The following RASAL2 variants were observed in gnomAD, a reference collection of about 807,000 sequenced individuals.
RASAL2 encodes the protein ras GTPase-activating protein nGAP.
In RASAL2, 58 loss-of-function variants were observed where a neutral mutation model predicts 128.9. That is an observed-to-expected ratio of 0.45 (90% confidence interval 0.36 to 0.56). The LOEUF (loss-of-function observed/expected upper bound fraction) is 0.56. RASAL2 is among the 20% of genes least tolerant of loss of function. The pLI is 0.00. For synonymous variants in RASAL2, 561 were observed against 580.8 expected, an observed-to-expected ratio of 0.97 and a Z score of 0.49; for missense variants, 1,360 against 1,601.6, an observed-to-expected ratio of 0.85 and a Z score of 2.57.
In RASAL2 at chr1:178,264,004, C is replaced by T. The variant is rs1665824083; in HGVS notation, c.203-19560C>T. Among the ~76,000 whole-genome samples, 3 of 152,164 alleles carry T rather than the reference C, an allele frequency of 2.0e-5. No homozygotes were observed. The South Asian group carries it at 6.2e-4, about 31-fold the overall frequency. ...CTTCTGGTATATTTAGGTACTCTTA[C>T]TTTTCTTATGGGAGAAATAAAAATT... is the stretch of plus-strand genomic sequence containing the variant. On this transcript the variant is annotated intron_variant, in intron 1 of 17. Transcript: ENST00000367649.
At chr1:178,364,510 G>A (rs1671299945) in intron 3 of RASAL2, among the ~76,000 whole-genome samples, 2 of 152,234 alleles carry the variant, frequency 1.3e-5, no homozygotes, top group South Asian at 2.1e-4. Context: ...AGCACCTCAC[G>A]TACTACCTAG....
At chr1:178,262,817 CTG>C (rs1665762312) in intron 1 of RASAL2, among the ~76,000 whole-genome samples, 1 of 122,130 alleles carries the variant, frequency 8.2e-6, no homozygotes, top group Non-Finnish European at 1.7e-5. Context: ...TTTTTTAAAT[CTG>C]AGAGGGAATT....
At chr1:178,224,083 G>T (rs1663707507) in intron 1 of RASAL2, among the ~76,000 whole-genome samples, 3 of 152,144 alleles carry the variant, frequency 2.0e-5, no homozygotes. Flanking sequence ...TGTGAATGAT[G>T]ATATGCATGG....
chr1:178,470,626 C>A, intron 17 of RASAL2: 1 of 1,259,798 alleles, frequency 7.9e-7, no homozygotes, highest in Non-Finnish European at 1.1e-6. Context: ...GGGCTTCCTC[C>A]TATGAGAAGC....
At position 178,396,030 on chromosome 1, in the gene RASAL2, GA is replaced by G. The variant is rs968006184; in HGVS notation, c.564+5833del. Among the ~76,000 whole-genome samples, 121 of 149,974 alleles carry G rather than the reference GA, an allele frequency of 8.1e-4. No homozygotes were observed. In the East Asian group the frequency reaches 0.013, roughly 16 times the overall value. ...TTAGAACCAAAGGTCTCAGAGCAGA[GA>G]AAAAAAAAGAATAAGGTTAGATACA... On this transcript the variant is annotated intron_variant, in intron 4 of 17. Transcript: ENST00000367649.
chr1:178,455,104 A>T (rs1041397056), intron 12 of RASAL2, among the ~76,000 whole-genome samples: 2 of 152,148 alleles, frequency 1.3e-5, no homozygotes, highest in South Asian at 4.1e-4. Context: ...ATAGAGTTTC[A>T]TATAATTATT....
At chr1:178,452,850 A>G (rs151089975) in intron 11 of RASAL2, among the ~76,000 whole-genome samples, 198 bp downstream of exon 11, 3 of 152,212 alleles carry the variant, frequency 2.0e-5, no homozygotes, top group African/African-American at 4.8e-5. Context: ...CATGCATTCA[A>G]TGGAATATTT....
intron 1 of RASAL2, among the ~76,000 whole-genome samples, chr1:178,152,668 A>C (rs1660954266): frequency 6.6e-6 from 1 of 151,398 alleles, no homozygotes; most frequent in Non-Finnish European, 1.5e-5. Context: ...TGTCTCAAAA[A>C]AACAAAACAA....
intron 5 of RASAL2, among the ~76,000 whole-genome samples, chr1:178,423,127 C>T (rs923404770): frequency 2.0e-5 from 3 of 152,110 alleles, no homozygotes; most frequent in Admixed American, 6.6e-5. Flanking sequence ...CAGTAAATGT[C>T]AGTCCACATC....
intron 1 of RASAL2, among the ~76,000 whole-genome samples, chr1:178,107,762 A>G (rs1055793294): frequency 2.0e-5 from 3 of 152,206 alleles, no homozygotes; most frequent in Non-Finnish European, 4.4e-5. Context: ...AATGGCTTCA[A>G]GGTCCATTCT....
intron 3 of RASAL2, among the ~76,000 whole-genome samples, chr1:178,383,222 G>A (rs1191765919): frequency 1.3e-5 from 2 of 152,152 alleles, no homozygotes; most frequent in Admixed American, 6.5e-5. Context: ...TGTGGGGCAT[G>A]CAAACTTGAA....
chr1:178,251,181 T>C, intron 1 of RASAL2, among the ~76,000 whole-genome samples: 1 of 152,210 alleles, frequency 6.6e-6, no homozygotes, highest in South Asian at 2.1e-4. Context: ...CATCTAAAGC[T>C]AGGAGAATCT....
intron 3 of RASAL2, among the ~76,000 whole-genome samples, chr1:178,322,253 C>G (rs1039204954): frequency 6.6e-6 from 1 of 152,106 alleles, no homozygotes; most frequent in African/African-American, 2.4e-5. Context: ...TTGCTTATGT[C>G]CTGCCTCACC....
At chr1:178,444,007 A>G (rs1676835861) in intron 8 of RASAL2, among the ~76,000 whole-genome samples, 1 of 152,178 alleles carries the variant, frequency 6.6e-6, no homozygotes, top group South Asian at 2.1e-4. Context: ...ATGTCGGAAT[A>G]TATCAATATA....
At position 178,099,789 on chromosome 1, in the gene RASAL2, C is replaced by G. The variant is rs576678964; in HGVS notation, c.202+5095C>G. ...CAGCCTGGCCAACATGGTGAAACCC[C>G]GTTTCTACTAAAGTACAAAGAAATT... On this transcript the variant is annotated intron_variant, in intron 1 of 17. Transcript: ENST00000367649. Among the ~76,000 whole-genome samples the G allele has an allele frequency of 3.3e-5, 5 of 151,544 alleles. No individual in the cohort carries two copies. In the South Asian group the frequency reaches 1.0e-3, roughly 32 times the overall value.
In RASAL2 at chr1:178,296,151, GTGTATATATA is replaced by G. The variant is rs1667498152; in HGVS notation, c.331-3837_331-3828del. 6.3e-5 allele frequency among the ~76,000 whole-genome samples: 8 copies of G among 127,774 alleles called. No individual in the cohort carries two copies. In the South Asian group the frequency reaches 1.7e-3, roughly 27 times the overall value. 83.8% of individuals were successfully genotyped at this position (127,774 alleles called of 152,430 possible). On this transcript the variant is annotated intron_variant, in intron 2 of 17. Coordinates refer to ENST00000367649, the MANE Select transcript of RASAL2 (RefSeq NM_170692.4). ...TGTATATATATGTGTGTGTATATATGTGTATATATATGTGTGTGTGTGTGCATATATATAT... is the reference window on the plus strand; with the variant it reads ...TGTATATATATGTGTGTGTATATATGTGTGTGTGTGTGTGCATATATATAT...
intron 3 of RASAL2, among the ~76,000 whole-genome samples, chr1:178,327,386 C>T (rs1453319994): frequency 4.6e-5 from 7 of 152,002 alleles, no homozygotes; most frequent in African/African-American, 1.7e-4. Flanking sequence ...TACTCTGTCA[C>T]CCAGGCTGGA....
At chr1:178,281,476 T>G (rs573485455) in intron 1 of RASAL2, among the ~76,000 whole-genome samples, 126 of 152,142 alleles carry the variant, frequency 8.3e-4, no homozygotes, top group Non-Finnish European at 7.8e-4. Context: ...TAGATTTTCT[T>G]AAATTCAGTG....
At chr1:178,244,268 A>T (rs1326493643) in intron 1 of RASAL2, among the ~76,000 whole-genome samples, 1 of 151,936 alleles carries the variant, frequency 6.6e-6, no homozygotes, top group Non-Finnish European at 1.5e-5. Flanking sequence ...TTTGAGAAGG[A>T]GTCTCGCTCT....
Sources: allele counts gnomAD v4.1 joint callset (sites outside exome capture counted in the v4.1 genomes callset), GRCh38; gene constraint gnomAD v4.1.1; transcripts MANE v1.5; gene names NCBI Gene and HGNC (gene_info 2026-07-23, HGNC 2026-07-21).